Variants in SH3RF3 observed in about 807,000 individuals in gnomAD.
The protein encoded by SH3RF3 is E3 ubiquitin-protein ligase SH3RF3.
Under a neutral mutation model 66.3 loss-of-function variants are expected in SH3RF3, and 29 were observed. The observed-to-expected ratio is 0.44, with a 90% confidence interval of 0.33 to 0.60. SH3RF3 has a LOEUF of 0.60. Ranked by LOEUF, SH3RF3 falls within the 20% of genes least tolerant of loss-of-function variation. The pLI, the probability that SH3RF3 is intolerant of heterozygous loss-of-function variation, is 0.04. For synonymous variants in SH3RF3, 583 were observed against 532.0 expected (o/e 1.10, Z -1.32); for missense variants, 1,194 against 1,190.9 (o/e 1.00, Z -0.04).
chr2:109,130,502 C>T (rs1249751527), intron 1 of SH3RF3, among the ~76,000 whole-genome samples: 1 of 152,208 alleles, frequency 6.6e-6, no homozygotes. Context: ...GAAAAGTTAG[C>T]CCTTAACGTT....
intron 1 of SH3RF3, among the ~76,000 whole-genome samples, chr2:109,138,318 C>T (rs1271536654): frequency 6.6e-6 from 1 of 152,192 alleles, no homozygotes; most frequent in East Asian, 1.9e-4. Context: ...TCAGCCACTT[C>T]GCCTGGCCTC....
intron 1 of SH3RF3, among the ~76,000 whole-genome samples, chr2:109,133,159 C>A (rs1442288043): frequency 6.6e-6 from 1 of 152,122 alleles, no homozygotes; most frequent in Admixed American, 6.5e-5. Context: ...CGGTGTCACT[C>A]CAGAATTCTG....
intron 8 of SH3RF3, among the ~76,000 whole-genome samples, chr2:109,466,342 A>G (rs1460175882): frequency 6.6e-6 from 1 of 151,966 alleles, no homozygotes; most frequent in African/African-American, 2.4e-5. Flanking sequence ...CGGCCTCCCA[A>G]AGTGCTGGGA....
At chr2:109,175,829 C>G (rs892008845) in intron 1 of SH3RF3, among the ~76,000 whole-genome samples, 2 of 152,146 alleles carry the variant, frequency 1.3e-5, no homozygotes, top group Admixed American at 6.5e-5. Context: ...GCTGCCATGC[C>G]AGTAATAGTT....
intron 1 of SH3RF3, among the ~76,000 whole-genome samples, chr2:109,242,897 A>G (rs963897203): frequency 6.6e-6 from 1 of 152,088 alleles, no homozygotes; most frequent in African/African-American, 2.4e-5. Context: ...GCATCCAAAA[A>G]CCTCACAGAA....
chr2:109,264,222 C>T (rs569482604), intron 1 of SH3RF3, among the ~76,000 whole-genome samples: 65 of 143,030 alleles, frequency 4.5e-4, no homozygotes, highest in Admixed American at 2.7e-3. Flanking sequence ...GGATCCACTC[C>T]GAGTCTGTGG....
chr2:109,236,701 G>A (rs1679657842), intron 1 of SH3RF3, among the ~76,000 whole-genome samples: 1 of 152,168 alleles, frequency 6.6e-6, no homozygotes, highest in African/African-American at 2.4e-5. Flanking sequence ...AATCCCAGGT[G>A]ACACTGCCCC....
At position 109,129,287 on chromosome 2, in the gene SH3RF3, C is replaced by T. The variant is rs1213368412; in HGVS notation, c.-254C>T. The T allele has an allele frequency of 4.5e-6, 3 of 673,296 alleles. No individual in the cohort carries two copies. Among genetic ancestry groups the T allele is most frequent in the East Asian group, 7.2e-5 (2 of 27,678 alleles). The allele number at this position is 673,296 out of a possible 1,614,324, so 41.7% of individuals were successfully genotyped here. On this transcript the variant is annotated 5_prime_UTR_variant, in exon 1 of 10. Transcript: ENST00000309415. ...CTTGCGGCGGGACAGGTGTAGCCCGCAGCCGCAGGCGCTGCGCTCAGGACT... is the reference window on the plus strand; with the variant it reads ...CTTGCGGCGGGACAGGTGTAGCCCGTAGCCGCAGGCGCTGCGCTCAGGACT...
intron 5 of SH3RF3, among the ~76,000 whole-genome samples, chr2:109,420,150 A>T (rs1270263213): frequency 6.6e-6 from 1 of 152,214 alleles, no homozygotes; most frequent in African/African-American, 2.4e-5. Flanking sequence ...AGGAAGTGAG[A>T]TGTTTATCTT....
intron 1 of SH3RF3, among the ~76,000 whole-genome samples, chr2:109,166,092 G>T (rs1677614796): frequency 6.6e-6 from 1 of 152,192 alleles, no homozygotes; most frequent in African/African-American, 2.4e-5. Context: ...GTGGAGACTG[G>T]TGGGGGCAGA....
Position 109,347,766 on chromosome 2 carries a change from C to T in SH3RF3, c.666C>T (p.Val222=), listed in dbSNP as rs375021823. Residue 222 remains valine, a synonymous_variant, in exon 2 of 10, where the codon GTC becomes GTT. Transcript: ENST00000309415. Reference sequence around the variant, plus strand: ...AGTTCAACAAGGGGGACATCATCGTCCTGCGGCGCAAGGTGGATGAACAGT... The same window carrying T: ...AGTTCAACAAGGGGGACATCATCGTTCTGCGGCGCAAGGTGGATGAACAGT... ...DLKFNKGDII[V]LRRKVDEQWY... is the part of the protein sequence containing the mutation. The T allele has an allele frequency of 7.1e-5, 114 of 1,613,872 alleles. No homozygotes were observed. Among genetic ancestry groups the T allele is most frequent in the Non-Finnish European group, 9.4e-5 (111 of 1,179,882 alleles).
intron 1 of SH3RF3, among the ~76,000 whole-genome samples, chr2:109,243,923 A>G (rs1320854412): frequency 6.6e-6 from 1 of 152,200 alleles, no homozygotes; most frequent in East Asian, 1.9e-4. Flanking sequence ...AGACACCAGA[A>G]GAGCTCATGC....
intron 4 of SH3RF3, among the ~76,000 whole-genome samples, chr2:109,408,147 CA>C: frequency 6.6e-6 from 1 of 152,288 alleles, no homozygotes; most frequent in East Asian, 1.9e-4. Flanking sequence ...CCACATCCTG[CA>C]GGGATCCACA....
At chr2:109,292,379 T>A (rs1015472147) in intron 1 of SH3RF3, among the ~76,000 whole-genome samples, 4 of 152,242 alleles carry the variant, frequency 2.6e-5, no homozygotes, top group Non-Finnish European at 5.9e-5. Context: ...CATGAAGTTT[T>A]GTATCCTGGT....
At position 109,351,876 on chromosome 2, in the gene SH3RF3, T is replaced by C. The variant is rs113833686; in HGVS notation, c.849+3927T>C. Among the ~76,000 whole-genome samples, 1,485 of 152,364 alleles carry C rather than the reference T, an allele frequency of 9.7e-3. 28 individuals are homozygous for C. The highest frequency in any genetic ancestry group is 0.034 in the African/African-American group (1,414 of 41,576). On this transcript the variant is annotated intron_variant, in intron 2 of 9. Transcript: ENST00000309415. ...AAGACTCTTCCATGTGACCTTCTTA[T>C]GCTGCTGAATGTTTAATCATTTCTC...
chr2:109,186,409 C>A (rs7583181), intron 1 of SH3RF3, among the ~76,000 whole-genome samples: 2 of 152,204 alleles, frequency 1.3e-5, no homozygotes, highest in Admixed American at 1.3e-4. Flanking sequence ...AGCCTCGATA[C>A]GAACCTGGGG....
intron 5 of SH3RF3, among the ~76,000 whole-genome samples, chr2:109,423,990 G>T (rs1490450626): frequency 1.3e-5 from 2 of 152,248 alleles, no homozygotes; most frequent in Admixed American, 1.3e-4. Context: ...GCAAAGGTCG[G>T]AGACGTCTGG....
intron 1 of SH3RF3, among the ~76,000 whole-genome samples, chr2:109,262,497 C>G (rs1574536818): frequency 6.6e-6 from 1 of 152,216 alleles, no homozygotes; most frequent in Non-Finnish European, 1.5e-5. Context: ...TCTCTGCAGC[C>G]AGGTAAACCT....
intron 8 of SH3RF3, among the ~76,000 whole-genome samples, chr2:109,453,897 A>G (rs948242486): frequency 4.6e-5 from 7 of 152,214 alleles, no homozygotes. Context: ...AGCAGAGGCC[A>G]GGGGACATGG....
Sources: allele counts gnomAD v4.1 joint callset (sites outside exome capture counted in the v4.1 genomes callset), GRCh38; gene constraint gnomAD v4.1.1; transcripts MANE v1.5; gene names NCBI Gene and HGNC (gene_info 2026-07-23, HGNC 2026-07-21).